Variants in CDKAL1 observed in about 807,000 individuals in gnomAD.
CDKAL1 encodes the protein CDKAL1 threonylcarbamoyladenosine tRNA methylthiotransferase, also known as threonylcarbamoyladenosine tRNA methylthiotransferase.
CDKAL1 carries 32 observed loss-of-function variants against 68.2 expected under a neutral mutation model. The observed-to-expected ratio is 0.47, with a 90% confidence interval of 0.35 to 0.63. The LOEUF (loss-of-function observed/expected upper bound fraction) is 0.63, where lower values mean the gene tolerates loss of function less well. CDKAL1 is among the 30% of genes least tolerant of loss of function. CDKAL1 has a pLI of 0.00. For missense variants in CDKAL1, 606 were observed against 696.7 expected (o/e 0.87, Z 1.47); for synonymous variants, 234 against 244.3 (o/e 0.96, Z 0.39).
At chr6:20,544,593 C>T (rs1317592397) in intron 2 of CDKAL1, among the ~76,000 whole-genome samples, 1 of 61,960 alleles carries the variant, frequency 1.6e-5, no homozygotes, top group Non-Finnish European at 2.5e-5. Flanking sequence ...GAAACTCCGT[C>T]TCAAAAAAAA....
At chr6:20,624,160 A>T (rs2127735715) in intron 4 of CDKAL1, among the ~76,000 whole-genome samples, 1 of 152,160 alleles carries the variant, frequency 6.6e-6, no homozygotes, top group African/African-American at 2.4e-5. Flanking sequence ...AAAATTTATG[A>T]GCAGACATTT....
chr6:20,947,342 G>C (rs1308150393), intron 9 of CDKAL1, among the ~76,000 whole-genome samples: 2 of 152,160 alleles, frequency 1.3e-5, no homozygotes, highest in African/African-American at 4.8e-5. Context: ...TGTAATCTCA[G>C]CATTTTGGGA....
intron 12 of CDKAL1, among the ~76,000 whole-genome samples, chr6:21,105,641 T>G (rs1773808104): frequency 6.6e-6 from 1 of 152,198 alleles, no homozygotes; most frequent in African/African-American, 2.4e-5. Context: ...GATAGCTGTG[T>G]CCTTGAGGAC....
intron 13 of CDKAL1, among the ~76,000 whole-genome samples, chr6:21,145,684 G>A (rs1460286529): frequency 6.6e-6 from 1 of 152,206 alleles, no homozygotes; most frequent in Admixed American, 6.5e-5. Flanking sequence ...CAAAGTCTCT[G>A]TCTAAAATTG....
chr6:20,540,340 T>C (rs1351791717), intron 2 of CDKAL1, among the ~76,000 whole-genome samples: 1 of 151,914 alleles, frequency 6.6e-6, no homozygotes, highest in Non-Finnish European at 1.5e-5. Context: ...CCCAAAGTGC[T>C]GGGATTACAA....
chr6:21,039,330 A>G (rs1273933330), intron 11 of CDKAL1, among the ~76,000 whole-genome samples: 2 of 152,230 alleles, frequency 1.3e-5, no homozygotes, highest in Non-Finnish European at 2.9e-5. Flanking sequence ...AATGTCTTCC[A>G]GGAGACCGAT....
rs150968886 is a variant in CDKAL1 at position 20,866,886 on chromosome 6, T to C, written c.742+20708T>C. On this transcript the variant is annotated intron_variant, in intron 9 of 15. Transcript: ENST00000274695. ...TACAGTTACTATTGCCTAAACATGC[T>C]TGGACATGTTTCTACAAACCCATCC... is the stretch of plus-strand genomic sequence containing the variant. Among the ~76,000 whole-genome samples the C allele has an allele frequency of 3.0e-3, 450 of 152,340 alleles. 2 individuals are homozygous for C. Among genetic ancestry groups the C allele is most frequent in the African/African-American group, 0.011 (439 of 41,576 alleles).
At chr6:21,194,287 T>C (rs1381139643) in intron 13 of CDKAL1, among the ~76,000 whole-genome samples, 1 of 152,206 alleles carries the variant, frequency 6.6e-6, no homozygotes, top group Non-Finnish European at 1.5e-5. Context: ...ACCTCTTCCT[T>C]ACTTGCAGGA....
intron 13 of CDKAL1, among the ~76,000 whole-genome samples, chr6:21,196,724 G>A (rs1187784205): frequency 2.0e-5 from 3 of 152,150 alleles, no homozygotes; most frequent in African/African-American, 7.2e-5. Flanking sequence ...ATGAGAATAG[G>A]AATTTTAAAA....
intron 8 of CDKAL1, among the ~76,000 whole-genome samples, chr6:20,813,425 T>A (rs141293399): frequency 7.6e-4 from 115 of 152,306 alleles, no homozygotes; most frequent in African/African-American, 2.7e-3. Context: ...TTACTTAACA[T>A]TGTTTTTTGA....
At chr6:20,756,857 TTCCTTCCTTCCTTCC>T (rs1774206667) in intron 6 of CDKAL1, 21 of 36,762 alleles carry the variant, frequency 5.7e-4, no homozygotes, top group Non-Finnish European at 8.1e-4. Context: ...CCTTCTCCCC[TTCCTTCCTTCCTTCC>T]TTCCTTCCTT....
chr6:20,922,038 G>T (rs554641474), intron 9 of CDKAL1, among the ~76,000 whole-genome samples: 2 of 152,130 alleles, frequency 1.3e-5, no homozygotes, highest in Admixed American at 6.5e-5. Flanking sequence ...TCTTAAAAGC[G>T]CAGAATGATT....
At chr6:20,658,256 A>G (rs747944409) in intron 5 of CDKAL1, among the ~76,000 whole-genome samples, 6 of 152,198 alleles carry the variant, frequency 3.9e-5, no homozygotes, top group Non-Finnish European at 8.8e-5. Context: ...GACCTTGTGC[A>G]TTATTAACCC....
intron 15 of CDKAL1, among the ~76,000 whole-genome samples, chr6:21,203,566 C>T (rs763321230): frequency 4.0e-5 from 6 of 151,844 alleles, no homozygotes; most frequent in Non-Finnish European, 8.8e-5. Context: ...TTTCTAGAGA[C>T]AGGATCTCGC....
intron 5 of CDKAL1, among the ~76,000 whole-genome samples, chr6:20,679,609 G>T (rs1770282225): frequency 1.3e-5 from 2 of 152,126 alleles, no homozygotes; most frequent in Non-Finnish European, 2.9e-5. Context: ...ATTCTTGTGT[G>T]TTAAAAACTT....
At chr6:20,879,796 C>T (rs1280260858) in intron 9 of CDKAL1, among the ~76,000 whole-genome samples, 3 of 152,158 alleles carry the variant, frequency 2.0e-5, no homozygotes, top group South Asian at 2.1e-4. Context: ...GCCCACACCT[C>T]GGAGTGATGC....
intron 5 of CDKAL1, among the ~76,000 whole-genome samples, chr6:20,686,766 G>A (rs1052928935): frequency 6.6e-6 from 1 of 152,106 alleles, no homozygotes; most frequent in Non-Finnish European, 1.5e-5. Context: ...GTCTTTGTTC[G>A]TGATTTTAGT....
intron 4 of CDKAL1, among the ~76,000 whole-genome samples, chr6:20,626,203 T>C (rs889137843): frequency 6.6e-6 from 1 of 152,192 alleles, no homozygotes; most frequent in Non-Finnish European, 1.5e-5. Flanking sequence ...ATGCCTCTGT[T>C]ATATGCAGAA....
At chr6:20,919,618 T>G (rs752527009) in intron 9 of CDKAL1, among the ~76,000 whole-genome samples, 4 of 152,204 alleles carry the variant, frequency 2.6e-5, no homozygotes, top group Non-Finnish European at 4.4e-5. Context: ...GGTTTCCAGC[T>G]TCATCCATGT....
Sources: allele counts gnomAD v4.1 joint callset (sites outside exome capture counted in the v4.1 genomes callset), GRCh38; gene constraint gnomAD v4.1.1; transcripts MANE v1.5; gene names NCBI Gene and HGNC (gene_info 2026-07-23, HGNC 2026-07-21).